The following MORC1 variants were observed in gnomAD, a reference collection of about 807,000 sequenced individuals.
MORC1 encodes MORC family CW-type zinc finger 1, also known as MORC family CW-type zinc finger protein 1.
In MORC1, 59 loss-of-function variants were observed where a neutral mutation model predicts 134.9. The observed-to-expected ratio is 0.44, with a 90% CI of 0.35 to 0.54. The LOEUF (loss-of-function observed/expected upper bound fraction) is 0.54, where lower values mean the gene tolerates loss of function less well. Ranked by LOEUF, MORC1 falls within the 20% of genes least tolerant of loss-of-function variation. The pLI is 0.00. For missense variants in MORC1, 947 were observed against 1,134.5 expected (o/e 0.83, Z 2.37); for synonymous variants, 395 against 391.7 (o/e 1.01, Z -0.10).
At chr3:109,017,169 TCAA>T (rs1480771356) in intron 17 of MORC1, among the ~76,000 whole-genome samples, 1 of 52,132 alleles carries the variant, frequency 1.9e-5, no homozygotes, top group African/African-American at 1.1e-4. Context: ...AGCTTGGCAA[TCAA>T]TCGCCTTTCT....
At chr3:109,057,655 A>G in intron 12 of MORC1, among the ~76,000 whole-genome samples, 169 bp from the exon 13 acceptor site, 1 of 152,042 alleles carries the variant, frequency 6.6e-6, no homozygotes. Flanking sequence ...AGTATTCTGC[A>G]TAAACGTGAT....
chr3:109,017,332 A>T (rs1296006037), intron 17 of MORC1, among the ~76,000 whole-genome samples: 2 of 152,244 alleles, frequency 1.3e-5, no homozygotes, highest in African/African-American at 4.8e-5. Context: ...AGTTTTCTAA[A>T]GCATTAAGAC....
intron 17 of MORC1, among the ~76,000 whole-genome samples, chr3:109,009,204 GTTGT>G (rs1948623551): frequency 1.0e-5 from 1 of 96,764 alleles, no homozygotes. Context: ...TACGTTTTTT[GTTGT>G]TTTTTTTTTT....
At chr3:109,047,254 C>A (rs1333600791) in intron 14 of MORC1, among the ~76,000 whole-genome samples, 1 of 152,032 alleles carries the variant, frequency 6.6e-6, no homozygotes, top group African/African-American at 2.4e-5. Flanking sequence ...CTTAAGCAGG[C>A]TGATGAGGAG....
intron 23 of MORC1, among the ~76,000 whole-genome samples, chr3:108,982,445 A>G (rs1230367981): frequency 6.6e-6 from 1 of 152,020 alleles, no homozygotes; most frequent in East Asian, 1.9e-4. Flanking sequence ...TAAAGACACA[A>G]TGCACACGTA....
intron 11 of MORC1, among the ~76,000 whole-genome samples, chr3:109,060,450 C>T (rs1447988522): frequency 6.6e-6 from 1 of 151,106 alleles, no homozygotes; most frequent in Admixed American, 6.6e-5. Flanking sequence ...ATCTGGTATG[C>T]TCCCTCTAAC....
At chr3:109,043,133 A>G (rs2107640066) in intron 14 of MORC1, among the ~76,000 whole-genome samples, 1 of 137,834 alleles carries the variant, frequency 7.3e-6, no homozygotes, top group South Asian at 2.4e-4. Flanking sequence ...TAAAACATGG[A>G]AGCAACTCAA....
intron 17 of MORC1, among the ~76,000 whole-genome samples, chr3:109,014,036 C>G (rs1948759513): frequency 6.6e-6 from 1 of 152,302 alleles, no homozygotes; most frequent in Admixed American, 6.5e-5. Flanking sequence ...ATTACCCAAT[C>G]TTTGGTATTT....
intron 25 of MORC1, among the ~76,000 whole-genome samples, chr3:108,970,068 G>C (rs1292747605): frequency 6.6e-6 from 1 of 152,122 alleles, no homozygotes; most frequent in Non-Finnish European, 1.5e-5. Context: ...TCTTGGAAGG[G>C]AGTGTCAGAG....
chr3:109,037,028 C>T (rs1949395546), intron 14 of MORC1, among the ~76,000 whole-genome samples: 1 of 152,160 alleles, frequency 6.6e-6, no homozygotes, highest in Admixed American at 6.5e-5. Flanking sequence ...TAGGTCAAAA[C>T]AACCCTTGAC....
chr3:109,108,741 CAAA>C (rs573089683), intron 3 of MORC1, among the ~76,000 whole-genome samples: 1 of 150,760 alleles, frequency 6.6e-6, no homozygotes, highest in African/African-American at 2.4e-5. Context: ...ACTAAAAATA[CAAA>C]AAAAAATTAG....
chr3:109,090,799 A>C (rs1454927175), intron 8 of MORC1, among the ~76,000 whole-genome samples: 1 of 152,058 alleles, frequency 6.6e-6, no homozygotes, highest in African/African-American at 2.4e-5. Flanking sequence ...CTAAGACCAA[A>C]CCTGAAAATT....
chr3:108,968,594 T>C (rs1947281825), intron 26 of MORC1, among the ~76,000 whole-genome samples: 2 of 152,218 alleles, frequency 1.3e-5, no homozygotes, highest in African/African-American at 4.8e-5. Context: ...AGGTACTCCA[T>C]TACCTATAAA....
At chr3:108,968,677 T>C (rs1023395216) in intron 26 of MORC1, among the ~76,000 whole-genome samples, 1 of 152,196 alleles carries the variant, frequency 6.6e-6, no homozygotes, top group Non-Finnish European at 1.5e-5. Flanking sequence ...CCTCTCAATC[T>C]TTACAGATTT....
intron 26 of MORC1, among the ~76,000 whole-genome samples, chr3:108,969,316 A>G (rs1390730598): frequency 6.6e-6 from 1 of 152,172 alleles, no homozygotes; most frequent in Non-Finnish European, 1.5e-5. Flanking sequence ...AAAAACTCAG[A>G]GCGATATCAA....
intron 14 of MORC1, among the ~76,000 whole-genome samples, chr3:109,051,321 T>C (rs1328383709): frequency 6.6e-6 from 1 of 152,224 alleles, no homozygotes; most frequent in African/African-American, 2.4e-5. Context: ...ATCTTTTATT[T>C]ACAAGGCAAA....
At position 108,963,565 on chromosome 3, in the gene MORC1, C is replaced by A; in HGVS notation, c.2648G>T (p.Arg883Met). Reference sequence around the variant, plus strand: ...ATCATAGATAATGGACTGCAATTTCCTCTTTATTTTTTTTTCATATTGGAC... The same window carrying A: ...ATCATAGATAATGGACTGCAATTTCATCTTTATTTTTTTTTCATATTGGAC... ...YMVQYEKKIK[R>M]KLQSIIYDSN... The change falls in exon 27 of 28, where the codon AGG becomes ATG. Residue 883 changes from arginine (R) to methionine (M), a missense_variant. By Grantham distance (91) the Arg-to-Met change is moderately conservative. This residue lies in a region of MORC1 where 722 missense variants were observed against 817.0 expected (regional missense o/e 0.88). Coordinates refer to ENST00000232603, the MANE Select transcript of MORC1 (RefSeq NM_014429.4). The A allele has an allele frequency of 6.3e-7, 1 of 1,589,632 alleles. No individual in the cohort carries two copies.
At chr3:109,027,715 C>T (rs111536310) in intron 17 of MORC1, 36 bp downstream of exon 17, 11 of 1,612,920 alleles carry the variant, frequency 6.8e-6, no homozygotes, top group African/African-American at 5.3e-5. Context: ...GTTAAAGAGT[C>T]ACAGTAGAAT....
At chr3:109,049,126 C>T (rs2107655017) in intron 14 of MORC1, 1 of 983,682 alleles carries the variant, frequency 1.0e-6, no homozygotes, top group Non-Finnish European at 1.2e-6. Flanking sequence ...TGCTTCATCA[C>T]TCGACGTGTA....
Sources: allele counts gnomAD v4.1 joint callset (sites outside exome capture counted in the v4.1 genomes callset), GRCh38; gene constraint gnomAD v4.1.1; regional missense constraint gnomAD v4.1.1; transcripts MANE v1.5; gene names NCBI Gene and HGNC (gene_info 2026-07-23, HGNC 2026-07-21).